COPG2: variants seen among roughly 807,000 people sequenced by gnomAD.
COPG2 encodes the protein coatomer subunit gamma-2.
In COPG2, 37 loss-of-function variants were observed where a neutral mutation model predicts 46.3. The ratio of observed to expected loss-of-function variants is 0.80; its 90% CI spans 0.61 to 1.05. The LOEUF (loss-of-function observed/expected upper bound fraction) is 1.05. Ranked by LOEUF, COPG2 falls within the 50% of genes least tolerant of loss-of-function variation. The pLI, the probability that COPG2 is intolerant of heterozygous loss-of-function variation, is 0.00. For missense variants in COPG2, 427 were observed against 387.8 expected, an observed-to-expected ratio of 1.10 and a Z score of -0.85; for synonymous variants, 159 against 129.7, an observed-to-expected ratio of 1.23 and a Z score of -1.53.
At chr7:130,611,402 C>T (rs1042332015) in intron 8 of COPG2, among the ~76,000 whole-genome samples, 2 of 152,176 alleles carry the variant, frequency 1.3e-5, no homozygotes, top group African/African-American at 2.4e-5. Context: ...TCAGTACACA[C>T]GCTCTCGGGT....
chr7:130,591,717 G>A (rs530198391), intron 9 of COPG2, among the ~76,000 whole-genome samples: 3 of 147,580 alleles, frequency 2.0e-5, no homozygotes, highest in East Asian at 2.1e-4. Flanking sequence ...CGCCCAGTCC[G>A]GGAAGGAGGT....
intron 4 of COPG2, among the ~76,000 whole-genome samples, chr7:130,659,837 G>A (rs530787567): frequency 6.6e-6 from 1 of 152,118 alleles, no homozygotes; most frequent in Non-Finnish European, 1.5e-5. Flanking sequence ...GCTCAAACCC[G>A]GGAGGCGGAG....
intron 9 of COPG2, among the ~76,000 whole-genome samples, chr7:130,591,821 T>C (rs1465463883): frequency 6.7e-6 from 1 of 149,770 alleles, no homozygotes; most frequent in African/African-American, 2.5e-5. Flanking sequence ...ATCCGGGAGG[T>C]GAGGGGCGCC....
intron 5 of COPG2, among the ~76,000 whole-genome samples, chr7:130,625,183 CAT>C (rs1177850864): frequency 8.6e-5 from 13 of 152,026 alleles, no homozygotes; most frequent in African/African-American, 1.9e-4. Flanking sequence ...GGCATTTTTT[CAT>C]ATGTTTGTTG....
At chr7:130,668,214 C>T (rs994659552) in intron 1 of COPG2, among the ~76,000 whole-genome samples, 8 of 152,222 alleles carry the variant, frequency 5.3e-5, no homozygotes, top group Non-Finnish European at 1.0e-4. Flanking sequence ...GAACGTTCCT[C>T]CACACACACC....
intron 4 of COPG2, among the ~76,000 whole-genome samples, chr7:130,660,572 G>C (rs1420117417): frequency 6.6e-6 from 1 of 151,930 alleles, no homozygotes; most frequent in Non-Finnish European, 1.5e-5. Context: ...TAAACCCCAG[G>C]TCACTTCCCT....
chr7:130,591,208 G>A (rs1219800922), intron 9 of COPG2, among the ~76,000 whole-genome samples: 4 of 134,820 alleles, frequency 3.0e-5, no homozygotes, highest in East Asian at 2.4e-4. Context: ...CTGCCCGGCC[G>A]CCCCTACTGG....
At chr7:130,569,589 C>T (rs953877442) in intron 9 of COPG2, among the ~76,000 whole-genome samples, 12 of 151,902 alleles carry the variant, frequency 7.9e-5, no homozygotes, top group Non-Finnish European at 1.8e-4. Flanking sequence ...AAAAAAAGTC[C>T]AAGACCAGAT....
chr7:130,601,933 T>C lies in COPG2; in HGVS notation c.737+9020A>G, dbSNP rs186235966. On this transcript the variant is annotated intron_variant, in intron 9 of 23. Coordinates refer to ENST00000425248, the MANE Select transcript of COPG2 (RefSeq NM_012133.6). ...AGGGAAGGCTCTCAAAGTGAGAAAC[T>C]AAAGCATCTGGCCAACAGCCAGGGA... Among the ~76,000 whole-genome samples, 13 of 152,124 alleles carry C rather than the reference T, an allele frequency of 8.5e-5. No homozygotes were observed. The East Asian group carries it at 1.7e-3, about 20-fold the overall frequency.
Position 130,610,950 on chromosome 7 carries a change from T to C in COPG2, c.737+3A>G, listed in dbSNP as rs1794836076. 6.2e-7 allele frequency: 1 copy of C among 1,613,756 alleles called. No individual in the cohort carries two copies. Among genetic ancestry groups the C allele is most frequent in the African/African-American group, 1.3e-5 (1 of 74,942 alleles). On this transcript the variant is annotated splice_donor_region_variant and intron_variant, in intron 9 of 23. Transcript: ENST00000425248. ...TAACCCAGGTTTAGGTGAAGACACTTACCCATCCTCAGTTTCTTTTAGTAA... is the reference window on the plus strand; with the variant it reads ...TAACCCAGGTTTAGGTGAAGACACTCACCCATCCTCAGTTTCTTTTAGTAA...
chr7:130,549,600 G>T (rs1262204732), intron 17 of COPG2, among the ~76,000 whole-genome samples: 1 of 152,118 alleles, frequency 6.6e-6, no homozygotes, highest in East Asian at 1.9e-4. Context: ...TAAAAATATA[G>T]AGTTTGCTTT....
chr7:130,649,063 G>C (rs994868894), intron 5 of COPG2, among the ~76,000 whole-genome samples: 5 of 152,132 alleles, frequency 3.3e-5, no homozygotes, highest in African/African-American at 1.2e-4. Flanking sequence ...CACTCCATTA[G>C]ACAAGAGGCT....
chr7:130,547,425 A>C (rs1793462604), intron 20 of COPG2: 1 of 357,822 alleles, frequency 2.8e-6, no homozygotes, highest in Admixed American at 4.7e-5. Context: ...ATACACACTC[A>C]GTTTCTCTTT....
At chr7:130,509,040 C>CAA (rs147902319) in intron 20 of COPG2, 70 of 411,642 alleles carry the variant, frequency 1.7e-4, no homozygotes, top group Admixed American at 1.1e-4. Context: ...AAAAAAAAAA[C>CAA]AAAAAAAAAA....
chr7:130,549,258 T>C (rs1793496169), intron 18 of COPG2, 56 bp downstream of exon 18: 3 of 398,334 alleles, frequency 7.5e-6, no homozygotes, highest in Non-Finnish European at 1.3e-5. Context: ...GTAGACTTTT[T>C]ATATTTACAA....
chr7:130,645,245 T>C, intron 5 of COPG2: 2 of 694,462 alleles, frequency 2.9e-6, no homozygotes, highest in South Asian at 2.7e-5. Flanking sequence ...CTCTTGTTCA[T>C]CCAGCTTTGG....
chr7:130,655,280 T>C (rs2116245415), intron 4 of COPG2, among the ~76,000 whole-genome samples: 1 of 152,310 alleles, frequency 6.6e-6, no homozygotes, highest in African/African-American at 2.4e-5. Context: ...GAGGCTTACT[T>C]ACAGGCTTTT....
At chr7:130,627,908 G>C (rs1795146330) in intron 5 of COPG2, among the ~76,000 whole-genome samples, 1 of 152,184 alleles carries the variant, frequency 6.6e-6, no homozygotes, top group Non-Finnish European at 1.5e-5. Flanking sequence ...AAATAACTCT[G>C]AGGATGTAGT....
chr7:130,510,906 A>G (rs554130253), intron 20 of COPG2: 36 of 519,916 alleles, frequency 6.9e-5, no homozygotes, highest in Admixed American at 3.5e-4. Flanking sequence ...TAAATATGAG[A>G]GTTACACAGA....
Sources: allele counts gnomAD v4.1 joint callset (sites outside exome capture counted in the v4.1 genomes callset), GRCh38; gene constraint gnomAD v4.1.1; transcripts MANE v1.5; gene names NCBI Gene and HGNC (gene_info 2026-07-23, HGNC 2026-07-21).